SRGAP1: variants seen among roughly 807,000 people sequenced by gnomAD.
SRGAP1 encodes the protein SLIT-ROBO Rho GTPase-activating protein 1.
A neutral mutation model predicts 121.9 loss-of-function variants in SRGAP1; 43 were observed. The observed-to-expected ratio is 0.35, with a 90% confidence interval of 0.28 to 0.46. The LOEUF is 0.46. SRGAP1 is among the 20% of genes least tolerant of loss of function. The probability of loss-of-function intolerance (pLI) is 1.00; values close to 1 mark genes in which losing one functional copy is unlikely to be tolerated. For missense variants in SRGAP1, 1,102 were observed against 1,350.9 expected, an observed-to-expected ratio of 0.82 and a Z score of 2.89; for synonymous variants, 447 against 485.4, an observed-to-expected ratio of 0.92 and a Z score of 1.04.
At chr12:64,106,415 A>G (rs925889853) in intron 15 of SRGAP1, among the ~76,000 whole-genome samples, 2 of 152,216 alleles carry the variant, frequency 1.3e-5, no homozygotes, top group African/African-American at 4.8e-5. Flanking sequence ...TAAGCATTCA[A>G]CCAGTTAATT....
chr12:64,038,974 TA>T (rs2034954643), intron 4 of SRGAP1: 1 of 152,184 alleles, frequency 6.6e-6, no homozygotes, highest in South Asian at 2.1e-4. Context: ...CTGTAAAAAA[TA>T]AAAGCTTTCC....
At chr12:63,963,269 T>C (rs1211891735) in intron 1 of SRGAP1, among the ~76,000 whole-genome samples, 1 of 152,188 alleles carries the variant, frequency 6.6e-6, no homozygotes, top group Admixed American at 6.5e-5. Flanking sequence ...AAATTGTATC[T>C]CCATGGCATA....
chr12:64,066,223 G>A (rs375452818), intron 8 of SRGAP1, among the ~76,000 whole-genome samples: 7 of 152,154 alleles, frequency 4.6e-5, no homozygotes, highest in African/African-American at 1.4e-4. Context: ...CAGGATAGAC[G>A]CAGAACTATG....
intron 11 of SRGAP1, among the ~76,000 whole-genome samples, chr12:64,087,261 A>G (rs2035963848): frequency 6.6e-6 from 1 of 152,220 alleles, no homozygotes; most frequent in Non-Finnish European, 1.5e-5. Context: ...GACAGTAACA[A>G]AAACCTAAGT....
chr12:64,058,526 C>T (rs1032320609), intron 6 of SRGAP1, among the ~76,000 whole-genome samples: 2 of 152,036 alleles, frequency 1.3e-5, no homozygotes, highest in African/African-American at 2.4e-5. Flanking sequence ...ATACATATGC[C>T]CTTCTGTTTC....
At chr12:64,069,139 C>T (rs2035595766) in intron 8 of SRGAP1, among the ~76,000 whole-genome samples, 2 of 152,126 alleles carry the variant, frequency 1.3e-5, no homozygotes, top group South Asian at 4.1e-4. Context: ...TAACTGACTT[C>T]CCTTAGACAC....
intron 4 of SRGAP1, among the ~76,000 whole-genome samples, chr12:64,027,206 A>G (rs1054244700): frequency 1.3e-5 from 2 of 152,136 alleles, no homozygotes; most frequent in Non-Finnish European, 2.9e-5. Flanking sequence ...CATGGGAGGT[A>G]GTTGAGGCAG....
intron 3 of SRGAP1, among the ~76,000 whole-genome samples, chr12:64,016,502 G>A (rs1339206598): frequency 6.6e-6 from 1 of 152,018 alleles, no homozygotes; most frequent in African/African-American, 2.4e-5. Context: ...ACAAAAAAGT[G>A]CTTTCTCAAA....
At chr12:63,889,861 T>C (rs1900519041) in intron 1 of SRGAP1, among the ~76,000 whole-genome samples, 1 of 151,874 alleles carries the variant, frequency 6.6e-6, no homozygotes, top group Non-Finnish European at 1.5e-5. Context: ...TGAGCCAAGA[T>C]TGCACCACTG....
intron 7 of SRGAP1, among the ~76,000 whole-genome samples, chr12:64,064,895 T>G (rs2035510282): frequency 6.6e-6 from 1 of 152,228 alleles, no homozygotes; most frequent in Non-Finnish European, 1.5e-5. Context: ...GCAGCTGCCA[T>G]CTTCCCAGTT....
intron 21 of SRGAP1, among the ~76,000 whole-genome samples, chr12:64,138,618 A>T (rs926784870): frequency 4.0e-5 from 6 of 151,660 alleles, no homozygotes; most frequent in Non-Finnish European, 8.8e-5. Flanking sequence ...ACGCCTGGCT[A>T]TCTGAAATAA....
chr12:64,137,210 G>A (rs2036869643), intron 21 of SRGAP1, among the ~76,000 whole-genome samples: 1 of 151,734 alleles, frequency 6.6e-6, no homozygotes, highest in Non-Finnish European at 1.5e-5. Flanking sequence ...GTCGCAGTGA[G>A]CCGAGATCAC....
chr12:64,151,756 C>T lies in SRGAP1; in HGVS notation c.*9084C>T, dbSNP rs954126754. 3.3e-5 allele frequency: 5 copies of T among 152,184 alleles called. No individual in the cohort carries two copies. Among genetic ancestry groups the T allele is most frequent in the Non-Finnish European group, 7.3e-5 (5 of 68,042 alleles). The allele number at this position is 152,184 out of a possible 1,614,324, so 9.4% of individuals were successfully genotyped here. ...CCAGAGTACAAATCTCTATTTCACT[C>T]ACCTCTGTGTCCTAAACTTCAGATG... On this transcript the variant is annotated 3_prime_UTR_variant, in exon 22 of 22. Transcript: ENST00000355086.
rs2037098696 is a variant in SRGAP1, at chr12:64,149,825, G to A, written c.*7153G>A. 6.6e-6 allele frequency: 1 copy of A among 152,094 alleles called. No homozygotes were observed. Among genetic ancestry groups the A allele is most frequent in the Non-Finnish European group, 1.5e-5 (1 of 68,022 alleles). The allele number at this position is 152,094 out of a possible 1,614,324, so 9.4% of individuals were successfully genotyped here. A position where few individuals can be genotyped will look rare whatever the true frequency, so the allele number is the denominator to read the frequency against. On this transcript the variant is annotated 3_prime_UTR_variant, in exon 22 of 22. Transcript: ENST00000355086. ...AGGCCATATAGCCCTGGAAAATATT[G>A]GGAAACTGAGGCATGGGTTGGTAAT...
At chr12:63,944,270 A>G (rs1020888048) in intron 1 of SRGAP1, among the ~76,000 whole-genome samples, 2 of 152,192 alleles carry the variant, frequency 1.3e-5, no homozygotes, top group African/African-American at 4.8e-5. Flanking sequence ...TTGGGCTGCT[A>G]TGACAAACTA....
intron 8 of SRGAP1, among the ~76,000 whole-genome samples, chr12:64,068,389 G>T (rs1320982289): frequency 6.6e-6 from 1 of 151,888 alleles, no homozygotes; most frequent in African/African-American, 2.4e-5. Context: ...AGGCTGGGGT[G>T]CAGAGGCACA....
chr12:64,044,878 C>G (rs1393104321), intron 6 of SRGAP1, among the ~76,000 whole-genome samples: 1 of 151,788 alleles, frequency 6.6e-6, no homozygotes, highest in African/African-American at 2.4e-5. Flanking sequence ...TGGGCTTTCA[C>G]CATGTTGCCC....
chr12:64,058,216 A>G (rs1177188976), intron 6 of SRGAP1, among the ~76,000 whole-genome samples: 2 of 152,190 alleles, frequency 1.3e-5, no homozygotes, highest in African/African-American at 4.8e-5. Context: ...ATTTATCTGG[A>G]CGTAACCCCA....
chr12:64,101,081 AT>A (rs1479925086), intron 15 of SRGAP1, among the ~76,000 whole-genome samples: 1 of 152,204 alleles, frequency 6.6e-6, no homozygotes, highest in Non-Finnish European at 1.5e-5. Flanking sequence ...AGAAACAAAG[AT>A]TTTGAAATTT....
Sources: allele counts gnomAD v4.1 joint callset (sites outside exome capture counted in the v4.1 genomes callset), GRCh38; gene constraint gnomAD v4.1.1; transcripts MANE v1.5; gene names NCBI Gene and HGNC (gene_info 2026-07-23, HGNC 2026-07-21).